GALNT13: variants seen among roughly 807,000 people sequenced by gnomAD.
GALNT13 encodes UDP-GalNAc:polypeptide N-acetylgalactosaminyltransferase 13.
GALNT13 carries 28 observed loss-of-function variants against 64.2 expected under a neutral mutation model. That is an observed-to-expected ratio of 0.44 (90% CI 0.32 to 0.60). The LOEUF (loss-of-function observed/expected upper bound fraction) is 0.60, where lower values mean the gene tolerates loss of function less well. Among genes scored for constraint, GALNT13 ranks in the 20% least tolerant of loss-of-function variants. The probability of loss-of-function intolerance (pLI) is 0.05; values close to 1 mark genes in which losing one functional copy is unlikely to be tolerated. For synonymous variants in GALNT13, 214 were observed against 224.6 expected, an observed-to-expected ratio of 0.95 and a Z score of 0.42; for missense variants, 577 against 669.8, an observed-to-expected ratio of 0.86 and a Z score of 1.53.
chr2:154,039,053 A>G (rs932418239), intron 3 of GALNT13, among the ~76,000 whole-genome samples: 6 of 152,232 alleles, frequency 3.9e-5, no homozygotes, highest in Admixed American at 2.6e-4. Flanking sequence ...CAAAACCACA[A>G]TGAGGTATCA....
the GALNT13 span, among the ~76,000 whole-genome samples, chr2:153,353,535 G>C: frequency 2.6e-5 from 4 of 152,018 alleles, no homozygotes; most frequent in South Asian, 2.1e-4. Context: ...CCTAATCTTA[G>C]TGGTAAAGCT....
At chr2:154,405,911 A>C (rs1277990927) in intron 10 of GALNT13, among the ~76,000 whole-genome samples, 1 of 152,144 alleles carries the variant, frequency 6.6e-6, no homozygotes, top group African/African-American at 2.4e-5. Flanking sequence ...TGTAAGAATT[A>C]AGAGGGGGAA....
intron 11 of GALNT13, among the ~76,000 whole-genome samples, chr2:154,424,688 G>T (rs1040085188): frequency 6.6e-6 from 1 of 152,168 alleles, no homozygotes; most frequent in East Asian, 1.9e-4. Context: ...ATTCTACACT[G>T]GTTGCCAGGG....
intron 4 of GALNT13, among the ~76,000 whole-genome samples, chr2:154,200,656 G>C (rs1687123906): frequency 6.6e-6 from 1 of 152,162 alleles, no homozygotes; most frequent in Non-Finnish European, 1.5e-5. Flanking sequence ...AGAAGGGCAA[G>C]AGGGCCAAGT....
chr2:153,973,171 G>A (rs914457140), intron 3 of GALNT13, among the ~76,000 whole-genome samples: 1 of 149,920 alleles, frequency 6.7e-6, no homozygotes, highest in East Asian at 1.9e-4. Context: ...ATCAAAGTTA[G>A]ACAAGTAGTA....
the GALNT13 span, among the ~76,000 whole-genome samples, chr2:153,540,659 A>G: frequency 2.6e-5 from 4 of 152,212 alleles, no homozygotes; most frequent in Non-Finnish European, 4.4e-5. Context: ...GCCCAAGTCC[A>G]TGGGAGCCCA....
At chr2:153,341,509 A>G in the GALNT13 span, among the ~76,000 whole-genome samples, 1 of 152,216 alleles carries the variant, frequency 6.6e-6, no homozygotes, top group Admixed American at 6.5e-5. Flanking sequence ...TTCTTACAGC[A>G]TATCAATGAT....
chr2:153,925,428 C>T (rs565801076), intron 2 of GALNT13, among the ~76,000 whole-genome samples: 6 of 150,712 alleles, frequency 4.0e-5, no homozygotes, highest in African/African-American at 9.7e-5. Flanking sequence ...GTTCTTGTAC[C>T]TGTACCATGC....
the GALNT13 span, among the ~76,000 whole-genome samples, chr2:153,780,352 T>C: frequency 5.9e-5 from 9 of 151,450 alleles, no homozygotes; most frequent in Non-Finnish European, 7.4e-5. Context: ...ACCACTAAAG[T>C]CCTTTAAACT....
In GALNT13 at chr2:154,140,408, G is replaced by C. The variant is rs1337650449; in HGVS notation, c.214G>C (p.Glu72Gln). 6.2e-7 allele frequency: 1 copy of C among 1,612,998 alleles called. No homozygotes were observed. The highest frequency in any genetic ancestry group is 8.5e-7 in the Non-Finnish European group (1 of 1,179,182). The change falls in exon 4 of 13, where the codon GAG becomes CAG. Residue 72 changes from glutamate (E) to glutamine (Q), a missense_variant. Physicochemically the swap from Glu to Gln is conservative, Grantham distance 29. This residue lies in a region of GALNT13 where 341 missense variants were observed against 379.3 expected (regional missense o/e 0.90). Transcript: ENST00000392825. The part of the protein sequence containing the change: ...KAVLIPKDDQ[E>Q]KMKELFKINQ... ...TGTGTTGATTCCTAAAGATGACCAG[G>C]AGAAAATGAAAGAGCTGTTTAAAAT...
chr2:154,127,684 A>G (rs77550587), intron 3 of GALNT13, among the ~76,000 whole-genome samples: 222 of 149,358 alleles, frequency 1.5e-3, no homozygotes, highest in African/African-American at 5.2e-3. Flanking sequence ...ATATAGTCAT[A>G]TATATATCCA....
the GALNT13 span, among the ~76,000 whole-genome samples, chr2:153,555,665 T>TCTTA: frequency 6.6e-6 from 1 of 152,208 alleles, no homozygotes; most frequent in African/African-American, 2.4e-5. Flanking sequence ...ACATAAAATA[T>TCTTA]TAAGAGTCAT....
chr2:153,872,997 G>A (rs1025100974), intron 1 of GALNT13, among the ~76,000 whole-genome samples: 1 of 152,058 alleles, frequency 6.6e-6, no homozygotes, highest in African/African-American at 2.4e-5. Flanking sequence ...CTGTGTCCCT[G>A]TTAATCTGTC....
the GALNT13 span, among the ~76,000 whole-genome samples, chr2:153,496,295 A>G: frequency 6.6e-6 from 1 of 152,160 alleles, no homozygotes; most frequent in African/African-American, 2.4e-5. Flanking sequence ...AGGAATCCCT[A>G]ATGGCAGAGG....
At chr2:153,616,741 T>C in the GALNT13 span, among the ~76,000 whole-genome samples, 4 of 152,026 alleles carry the variant, frequency 2.6e-5, no homozygotes, top group South Asian at 2.1e-4. Flanking sequence ...TGTTGACATA[T>C]AGAAATTCTA....
chr2:153,991,441 G>T (rs909981924), intron 3 of GALNT13, among the ~76,000 whole-genome samples: 1 of 152,126 alleles, frequency 6.6e-6, no homozygotes, highest in African/African-American at 2.4e-5. Flanking sequence ...AGATTTGGAA[G>T]AGAAAAGAGT....
chr2:154,149,230 A>G (rs1395961627), intron 4 of GALNT13, among the ~76,000 whole-genome samples: 1 of 152,158 alleles, frequency 6.6e-6, no homozygotes, highest in Non-Finnish European at 1.5e-5. Context: ...CAAAGATCAG[A>G]TAGTTGTAGA....
the GALNT13 span, among the ~76,000 whole-genome samples, chr2:153,466,988 CTT>C: frequency 6.6e-6 from 1 of 151,984 alleles, no homozygotes; most frequent in Non-Finnish European, 1.5e-5. Flanking sequence ...AAAAATATAA[CTT>C]TGCAAGCACA....
the GALNT13 span, among the ~76,000 whole-genome samples, chr2:153,827,673 A>G: frequency 6.6e-6 from 1 of 151,234 alleles, no homozygotes; most frequent in African/African-American, 2.4e-5. Flanking sequence ...GCCGAAGTAT[A>G]TCATTCCACC....
Sources: gnomAD v4.1 joint callset for allele counts (sites outside exome capture counted in the v4.1 genomes callset) on GRCh38, gnomAD v4.1.1 for gene constraint, gnomAD v4.1.1 regional missense constraint, MANE v1.5 for transcripts, NCBI Gene and HGNC (gene_info 2026-07-23, HGNC 2026-07-21) for gene names.